COIL: variants seen among roughly 807,000 people sequenced by gnomAD.
COIL encodes the protein coilin.
Under a neutral mutation model 51.6 loss-of-function variants are expected in COIL, and 28 were observed. That is an observed-to-expected ratio of 0.54 (90% CI 0.40 to 0.74). COIL has a LOEUF of 0.74. COIL is among the 30% of genes least tolerant of loss of function. COIL has a pLI of 0.00. For missense variants in COIL, 667 were observed against 685.9 expected, an observed-to-expected ratio of 0.97 and a Z score of 0.31; for synonymous variants, 233 against 255.8, an observed-to-expected ratio of 0.91 and a Z score of 0.85.
At position 56,950,848 on chromosome 17, in the gene COIL, G is replaced by T. The variant is rs754408972; in HGVS notation, c.394C>A (p.His132Asn). Residue 132 changes from histidine to asparagine, a missense_variant, in exon 2 of 7, where the codon CAT becomes AAT. Physicochemically the swap from His to Asn is moderately conservative, Grantham distance 68. Transcript: ENST00000240316. ...TTATTGTTCTCTCGACTCTTCCAATGCTTCTTTGAATATTTGCAATCTGGT... is the reference window on the plus strand; with the variant it reads ...TTATTGTTCTCTCGACTCTTCCAATTCTTCTTTGAATATTTGCAATCTGGT... ...TEPDCKYSKK[H>N]WKSRENNNNN... is the part of the protein sequence containing the mutation. The T allele has an allele frequency of 2.5e-6, 4 of 1,613,950 alleles. No individual in the cohort carries two copies. The highest frequency in any genetic ancestry group is 3.4e-6 in the Non-Finnish European group (4 of 1,180,014).
At chr17:56,951,096 A>G (rs1273572037) in intron 1 of COIL, 100 bp from the exon 2 acceptor site, 4 of 1,151,652 alleles carry the variant, frequency 3.5e-6, no homozygotes, top group Non-Finnish European at 4.7e-6. Flanking sequence ...TGTAACTACC[A>G]TCAGTCAATG....
chr17:56,959,024 A>G (rs2144407325), intron 1 of COIL, among the ~76,000 whole-genome samples: 1 of 152,126 alleles, frequency 6.6e-6, no homozygotes, highest in Non-Finnish European at 1.5e-5. Flanking sequence ...TCTGGAATTA[A>G]TTCACTGTAG....
At chr17:56,954,820 A>G (rs1749901541) in intron 1 of COIL, among the ~76,000 whole-genome samples, 1 of 152,062 alleles carries the variant, frequency 6.6e-6, no homozygotes, top group African/African-American at 2.4e-5. Context: ...AAAAAAAAAG[A>G]AAATATTAAG....
chr17:56,940,390 C>T (rs565097906), intron 6 of COIL, among the ~76,000 whole-genome samples: 116 of 152,276 alleles, frequency 7.6e-4, no homozygotes, highest in Non-Finnish European at 1.3e-3. Context: ...TGATTACAGG[C>T]ATGAGCCACG....
intron 5 of COIL, among the ~76,000 whole-genome samples, chr17:56,945,069 T>G (rs1910221014): frequency 6.6e-6 from 1 of 151,854 alleles, no homozygotes; most frequent in Non-Finnish European, 1.5e-5. Flanking sequence ...CTGGGCACAG[T>G]GGCTCACACC....
chr17:56,954,496 G>C (rs1910447454), intron 1 of COIL, among the ~76,000 whole-genome samples: 1 of 151,914 alleles, frequency 6.6e-6, no homozygotes, highest in Non-Finnish European at 1.5e-5. Context: ...AGGAGGCAGA[G>C]GGTGCAGTAA....
chr17:56,946,378 A>G, intron 5 of COIL, 64 bp downstream of exon 5: 1 of 1,132,162 alleles, frequency 8.8e-7, no homozygotes. Context: ...CCTGTGTATA[A>G]AAGCTATTTA....
At chr17:56,960,656 T>TG in intron 1 of COIL, 119 bp downstream of exon 1, 1 of 243,012 alleles carries the variant, frequency 4.1e-6, no homozygotes, top group Non-Finnish European at 6.8e-6. Context: ...CCAACCCTCG[T>TG]CCCCTTCCCC....
chr17:56,958,149 T>C (rs1910516815), intron 1 of COIL, among the ~76,000 whole-genome samples: 1 of 152,226 alleles, frequency 6.6e-6, no homozygotes, highest in Non-Finnish European at 1.5e-5. Flanking sequence ...TTCTTCAAGG[T>C]ACTGCTCAAT....
rs146297234 is a variant in COIL, at chr17:56,945,991, C to T, written c.1558+451G>A. 7.9e-3 allele frequency among the ~76,000 whole-genome samples: 1,209 copies of T among 152,310 alleles called. 18 individuals are homozygous for T. Among genetic ancestry groups the T allele is most frequent in the African/African-American group, 0.028 (1,160 of 41,556 alleles). ...TTGGCCTCCCAAAGTGCAGGGATTA[C>T]AGGTGTGAGCCACCGTGCCCAGCCT... On this transcript the variant is annotated intron_variant, in intron 5 of 6. Transcript: ENST00000240316.
intron 6 of COIL, among the ~76,000 whole-genome samples, chr17:56,941,426 T>C (rs1598091836): frequency 6.6e-6 from 1 of 151,852 alleles, no homozygotes; most frequent in African/African-American, 2.4e-5. Flanking sequence ...AAAAATTAGC[T>C]GGGTGAGGTG....
At chr17:56,958,820 G>C (rs184926516) in intron 1 of COIL, among the ~76,000 whole-genome samples, 1 of 152,026 alleles carries the variant, frequency 6.6e-6, no homozygotes. Flanking sequence ...TTTGAAATTT[G>C]GATTATTTCA....
intron 1 of COIL, among the ~76,000 whole-genome samples, chr17:56,958,244 C>T (rs527446736): frequency 5.1e-4 from 78 of 152,322 alleles, no homozygotes; most frequent in Non-Finnish European, 1.0e-3. Context: ...ACTATTCAGT[C>T]TAATTGTCTG....
At chr17:56,953,420 A>AC (rs1265138881) in intron 1 of COIL, among the ~76,000 whole-genome samples, 1 of 151,074 alleles carries the variant, frequency 6.6e-6, no homozygotes, top group Non-Finnish European at 1.5e-5. Flanking sequence ...CAAAAAAAAA[A>AC]AAAAAAAAAA....
At chr17:56,951,064 A>G in intron 1 of COIL, 68 bp from the exon 2 acceptor site, 1 of 1,380,954 alleles carries the variant, frequency 7.2e-7, no homozygotes, top group East Asian at 2.3e-5. Flanking sequence ...ACATAGTTAT[A>G]TACTGAGATG....
At position 56,939,019 on chromosome 17, in the gene COIL, A is replaced by T; in HGVS notation, c.*52T>A. 9.7e-7 allele frequency: 1 copy of T among 1,032,660 alleles called. No homozygotes were observed. Among genetic ancestry groups the T allele is most frequent in the Non-Finnish European group, 1.5e-6 (1 of 683,174 alleles). 64.0% of individuals were successfully genotyped at this position (1,032,660 alleles called of 1,614,324 possible). A position where few individuals can be genotyped will look rare whatever the true frequency, so the allele number is the denominator to read the frequency against. ...AAAAAAAAAAAAAAGTTTGGGTTAT[A>T]GTCACTTTCACAAACAAGACATTCA... On this transcript the variant is annotated 3_prime_UTR_variant, in exon 7 of 7. Transcript: ENST00000240316.
At chr17:56,953,182 T>C (rs577104413) in intron 1 of COIL, among the ~76,000 whole-genome samples, 172 of 151,782 alleles carry the variant, frequency 1.1e-3, no homozygotes, top group African/African-American at 3.0e-3. Context: ...GAGGTCAAGG[T>C]GGGTGGATCA....
rs752956812 is a variant in COIL at position 56,949,938 on chromosome 17, C to T, written c.1304G>A (p.Arg435Lys). The T allele has an allele frequency of 5.0e-6, 8 of 1,613,984 alleles. No homozygotes were observed. The highest frequency in any genetic ancestry group is 1.1e-5 in the South Asian group (1 of 91,078). Reference protein sequence around the residue: ...CVVNRSTDNQRQQQLNDVVKN... With the variant: ...CVVNRSTDNQKQQQLNDVVKN... ...TACCACGTCATTTAATTGCTGTTGCCTCTGGTTGTCAGTGCTTCTATTTAC... is the reference window on the plus strand; with the variant it reads ...TACCACGTCATTTAATTGCTGTTGCTTCTGGTTGTCAGTGCTTCTATTTAC... Residue 435 changes from arginine to lysine, a missense_variant, in exon 2 of 7, where the codon AGG (arginine) becomes AAG (lysine). Coordinates refer to ENST00000240316, the MANE Select transcript of COIL (RefSeq NM_004645.3).
intron 1 of COIL, among the ~76,000 whole-genome samples, chr17:56,959,727 A>T (rs1910547407): frequency 6.6e-6 from 1 of 152,252 alleles, no homozygotes; most frequent in Non-Finnish European, 1.5e-5. Context: ...CCTGACCCTG[A>T]AGGCCGCCAT....
Sources: gnomAD v4.1 joint callset for allele counts (sites outside exome capture counted in the v4.1 genomes callset) on GRCh38, gnomAD v4.1.1 for gene constraint, MANE v1.5 for transcripts, NCBI Gene and HGNC (gene_info 2026-07-23, HGNC 2026-07-21) for gene names.